Variants in SEC24B observed in about 807,000 individuals in gnomAD.
SEC24B encodes the protein SEC24 homolog B, COPII component.
A neutral mutation model predicts 142.8 loss-of-function variants in SEC24B; 45 were observed. The observed-to-expected ratio is 0.32, with a 90% confidence interval of 0.25 to 0.40. The LOEUF (loss-of-function observed/expected upper bound fraction) is 0.40. Ranked by LOEUF, SEC24B falls within the 10% of genes least tolerant of loss-of-function variation. SEC24B has a pLI of 1.00. For synonymous variants in SEC24B, 574 were observed against 568.2 expected, an observed-to-expected ratio of 1.01 and a Z score of -0.15; for missense variants, 1,409 against 1,526.8, an observed-to-expected ratio of 0.92 and a Z score of 1.29.
At chr4:109,481,265 A>G (rs1733711203) in intron 3 of SEC24B, among the ~76,000 whole-genome samples, 2 of 152,326 alleles carry the variant, frequency 1.3e-5, no homozygotes, top group South Asian at 4.1e-4. Context: ...TGTGTTTTGT[A>G]TGCTGTACAA....
intron 6 of SEC24B, among the ~76,000 whole-genome samples, chr4:109,498,692 A>G (rs1735792247): frequency 1.3e-5 from 2 of 152,178 alleles, no homozygotes; most frequent in South Asian, 4.1e-4. Flanking sequence ...CAGGTAGGGT[A>G]ATAATATCTT....
At chr4:109,458,630 A>C (rs533226685) in intron 1 of SEC24B, among the ~76,000 whole-genome samples, 1 of 152,246 alleles carries the variant, frequency 6.6e-6, no homozygotes, top group Non-Finnish European at 1.5e-5. Flanking sequence ...ATGGAATACT[A>C]TTCAGACATT....
intron 6 of SEC24B, among the ~76,000 whole-genome samples, chr4:109,501,666 T>G (rs1736163345): frequency 6.6e-6 from 1 of 152,200 alleles, no homozygotes; most frequent in Non-Finnish European, 1.5e-5. Context: ...GAGATGGGGC[T>G]TTACCATGTT....
chr4:109,472,100 A>G (rs961926501), intron 2 of SEC24B, among the ~76,000 whole-genome samples: 1 of 152,192 alleles, frequency 6.6e-6, no homozygotes, highest in Non-Finnish European at 1.5e-5. Flanking sequence ...GACATATAAC[A>G]CATTTTGTTT....
chr4:109,511,379 G>GA (rs1282784620), intron 8 of SEC24B, among the ~76,000 whole-genome samples: 1 of 151,850 alleles, frequency 6.6e-6, no homozygotes, highest in Non-Finnish European at 1.5e-5. Context: ...TGTGCAGATA[G>GA]AAAAAAACAG....
chr4:109,507,794 T>A (rs1561151813), intron 7 of SEC24B, among the ~76,000 whole-genome samples: 1 of 152,098 alleles, frequency 6.6e-6, no homozygotes, highest in Admixed American at 6.5e-5. Context: ...TACAGGCATG[T>A]GCCACCACAC....
intron 11 of SEC24B, 117 bp from the exon 12 acceptor site, chr4:109,520,249 C>A: frequency 1.5e-6 from 1 of 654,144 alleles, no homozygotes; most frequent in East Asian, 2.7e-5. Flanking sequence ...TTTTTCTGTC[C>A]CCTGTAGAAA....
chr4:109,468,861 A>G (rs1287914218), intron 2 of SEC24B, among the ~76,000 whole-genome samples: 1 of 152,206 alleles, frequency 6.6e-6, no homozygotes, highest in Non-Finnish European at 1.5e-5. Flanking sequence ...TTTTTGCACA[A>G]TTACTTAAGA....
intron 10 of SEC24B, among the ~76,000 whole-genome samples, chr4:109,515,810 C>T (rs1329379940): frequency 6.6e-5 from 10 of 152,038 alleles, no homozygotes; most frequent in Admixed American, 2.6e-4. Context: ...GAGGCTGAGG[C>T]GGGCGGATCA....
At chr4:109,477,248 G>T (rs969020174) in intron 3 of SEC24B, among the ~76,000 whole-genome samples, 1 of 151,082 alleles carries the variant, frequency 6.6e-6, no homozygotes, top group African/African-American at 2.4e-5. Flanking sequence ...TACTCTATCA[G>T]CAGTTATTCA....
intron 16 of SEC24B, 82 bp downstream of exon 16, chr4:109,525,586 CTGTT>C: frequency 1.1e-6 from 1 of 891,280 alleles, no homozygotes; most frequent in Non-Finnish European, 1.7e-6. Context: ...CTACCTCTGA[CTGTT>C]CATGATGGAA....
chr4:109,474,342 C>A (rs558754715), intron 3 of SEC24B, among the ~76,000 whole-genome samples: 2 of 152,022 alleles, frequency 1.3e-5, no homozygotes, highest in African/African-American at 4.8e-5. Context: ...TTTTCCTCTA[C>A]ATTGATGACT....
At chr4:109,511,126 C>T (rs7680296) in intron 8 of SEC24B, among the ~76,000 whole-genome samples, 46,221 of 151,268 alleles carry the variant, frequency 0.31, 11,724 homozygotes, top group African/African-American at 0.7. Flanking sequence ...AAATTGTATA[C>T]TATATATATG....
At position 109,463,069 on chromosome 4, in the gene SEC24B, A is replaced by G. The variant is rs762166283; in HGVS notation, c.302A>G (p.Asn101Ser). 3.7e-6 allele frequency: 6 copies of G among 1,614,090 alleles called. No homozygotes were observed. The East Asian group carries it at 1.3e-4, about 36-fold the overall frequency. Residue 101 changes from asparagine to serine, a missense_variant, in exon 2 of 24, where the codon AAT becomes AGT. By Grantham distance (46) the Asn-to-Ser change is conservative (BLOSUM62 1). This residue lies in a region of SEC24B where 709 missense variants were observed against 673.5 expected (regional missense o/e 1.05). Coordinates refer to ENST00000265175, the MANE Select transcript of SEC24B (RefSeq NM_006323.5). ...GCTCTCTATACAGTACCAACACAAA[A>G]TGTGACTCCTAACACAGTGAACCAG... ...YSALYTVPTQ[N>S]VTPNTVNQQP...
chr4:109,506,994 C>G (rs1044867470), intron 7 of SEC24B, among the ~76,000 whole-genome samples: 1 of 152,110 alleles, frequency 6.6e-6, no homozygotes, highest in East Asian at 1.9e-4. Context: ...GACTCCCAGG[C>G]TTAATCCAGT....
At position 109,539,826 on chromosome 4, in the gene SEC24B, G is replaced by A; in HGVS notation, c.*151G>A. Reference sequence around the variant, plus strand: ...CTGAGGCTTTGGTAAAAAGTAAAGGGGAAGAAAGAACTTGACAGATCTTTT... The same window carrying A: ...CTGAGGCTTTGGTAAAAAGTAAAGGAGAAGAAAGAACTTGACAGATCTTTT... On this transcript the variant is annotated 3_prime_UTR_variant, in exon 24 of 24. Coordinates refer to ENST00000265175, the MANE Select transcript of SEC24B (RefSeq NM_006323.5). 3.4e-6 allele frequency: 2 copies of A among 587,632 alleles called. No individual in the cohort carries two copies. Among genetic ancestry groups the A allele is most frequent in the East Asian group, 2.9e-5 (1 of 34,848 alleles). 36.4% of individuals were successfully genotyped at this position (587,632 alleles called of 1,614,324 possible).
rs1445534729 is a variant in SEC24B, at chr4:109,462,999, A to T, written c.232A>T (p.Met78Leu). The T allele has an allele frequency of 3.7e-6, 6 of 1,613,966 alleles. No homozygotes were observed. In the Admixed American group the frequency reaches 5.0e-5, roughly 13 times the overall value. ...ACATTACTCTCAAGGACCTGGGAAA[A>T]TGACCTCATTGCCATTGGATACCCA... is the stretch of plus-strand genomic sequence containing the variant. The part of the protein sequence containing the change: ...SGHYSQGPGK[M>L]TSLPLDTQCG... The change falls in exon 2 of 24, where the codon ATG (methionine) becomes TTG (leucine). Residue 78 changes from methionine to leucine, a missense_variant. Coordinates refer to ENST00000265175, the MANE Select transcript of SEC24B (RefSeq NM_006323.5).
intron 16 of SEC24B, among the ~76,000 whole-genome samples, chr4:109,525,983 CAT>C (rs1414905501): frequency 2.0e-5 from 3 of 152,200 alleles, no homozygotes; most frequent in East Asian, 3.9e-4. Flanking sequence ...CTTCAAGTCA[CAT>C]GTGAGAAAAT....
At chr4:109,520,233 G>C (rs892318852) in intron 11 of SEC24B, 133 bp from the exon 12 acceptor site, 10 of 605,936 alleles carry the variant, frequency 1.7e-5, no homozygotes, top group Non-Finnish European at 2.6e-5. Flanking sequence ...GTTTAGATAG[G>C]GATAATTTTT....
Sources: allele counts gnomAD v4.1 joint callset (sites outside exome capture counted in the v4.1 genomes callset), GRCh38; gene constraint gnomAD v4.1.1; regional missense constraint gnomAD v4.1.1; transcripts MANE v1.5; gene names NCBI Gene and HGNC (gene_info 2026-07-23, HGNC 2026-07-21).